NRXN1: variants seen among roughly 807,000 people sequenced by gnomAD.
The protein encoded by NRXN1 is neurexin-1.
NRXN1 carries 39 observed loss-of-function variants against 150.9 expected under a neutral mutation model. The observed-to-expected ratio is 0.26, with a 90% CI of 0.20 to 0.34. The LOEUF is 0.34. Among genes scored for constraint, NRXN1 ranks in the 10% least tolerant of loss-of-function variants. The probability of loss-of-function intolerance (pLI) is 1.00; values close to 1 mark genes in which losing one functional copy is unlikely to be tolerated. For missense variants in NRXN1, 1,815 were observed against 1,949.9 expected, an observed-to-expected ratio of 0.93 and a Z score of 1.30; for synonymous variants, 924 against 757.0, an observed-to-expected ratio of 1.22 and a Z score of -3.62.
intron 18 of NRXN1, among the ~76,000 whole-genome samples, chr2:50,144,782 T>A (rs903893677): frequency 6.6e-6 from 1 of 151,782 alleles, no homozygotes; most frequent in Non-Finnish European, 1.5e-5. Context: ...TTAAAAATCA[T>A]ATTGGACGAG....
rs148020644 is a variant in NRXN1 at position 50,415,832 on chromosome 2, TA to T, written c.3364+49609del. 7.7e-3 allele frequency among the ~76,000 whole-genome samples: 1,138 copies of T among 147,496 alleles called. 9 individuals carry two copies. Among genetic ancestry groups the T allele is most frequent in the African/African-American group, 0.021 (843 of 40,222 alleles). ...CACAATGTGATATGCTAAATTACAT[TA>T]AAAAAAAACAGAAAAAAATAGACAA... On this transcript the variant is annotated intron_variant, in intron 17 of 22. Transcript: ENST00000401669.
chr2:50,609,781 T>C (rs967428647), intron 8 of NRXN1, among the ~76,000 whole-genome samples: 3 of 152,160 alleles, frequency 2.0e-5, no homozygotes, highest in African/African-American at 7.2e-5. Flanking sequence ...ATTCACTTAC[T>C]ATGACCTTGA....
intron 17 of NRXN1, among the ~76,000 whole-genome samples, chr2:50,411,399 G>A (rs2083158812): frequency 6.6e-6 from 1 of 152,160 alleles, no homozygotes; most frequent in African/African-American, 2.4e-5. Context: ...CCAGCCGCCT[G>A]CCTTGGCCTC....
chr2:50,574,222 C>T (rs1671069381), intron 8 of NRXN1, among the ~76,000 whole-genome samples: 2 of 151,968 alleles, frequency 1.3e-5, no homozygotes, highest in Admixed American at 1.3e-4. Context: ...TAAAAGAAAG[C>T]CCCAAATGCC....
chr2:50,978,734 TG>T (rs1257743113), intron 2 of NRXN1, among the ~76,000 whole-genome samples: 2 of 152,070 alleles, frequency 1.3e-5, no homozygotes, highest in African/African-American at 4.8e-5. Context: ...ATTCAGATTT[TG>T]AGTCAAATCA....
At chr2:50,851,199 C>T (rs1023684657) in intron 5 of NRXN1, among the ~76,000 whole-genome samples, 8 of 151,900 alleles carry the variant, frequency 5.3e-5, no homozygotes, top group Non-Finnish European at 1.0e-4. Flanking sequence ...TTAAGAGGAG[C>T]CATAGGTCTA....
chr2:50,235,608 G>A (rs1470405545), intron 18 of NRXN1, among the ~76,000 whole-genome samples: 1 of 152,054 alleles, frequency 6.6e-6, no homozygotes, highest in Non-Finnish European at 1.5e-5. Flanking sequence ...GTACTTTGGT[G>A]TTTCATGTTT....
chr2:50,195,724 C>A (rs948033075), intron 18 of NRXN1, among the ~76,000 whole-genome samples: 1 of 152,040 alleles, frequency 6.6e-6, no homozygotes, highest in Non-Finnish European at 1.5e-5. Context: ...GCCTGGGCAA[C>A]TGTTTTTTGA....
chr2:50,235,507 T>C (rs1479170094), intron 18 of NRXN1, among the ~76,000 whole-genome samples: 2 of 152,138 alleles, frequency 1.3e-5, no homozygotes, highest in African/African-American at 2.4e-5. Flanking sequence ...CACAGCTTAT[T>C]GGAAATTCCA....
chr2:50,623,498 C>T lies in NRXN1; in HGVS notation c.950G>A (p.Arg317Lys). 1 of 1,613,416 alleles carries T rather than the reference C, an allele frequency of 6.2e-7. No homozygotes were observed. The highest frequency in any genetic ancestry group is 8.5e-7 in the Non-Finnish European group (1 of 1,179,510). The change falls in exon 6 of 23, where the codon AGG (arginine) becomes AAG (lysine). Residue 317 changes from arginine (R) to lysine (K), a missense_variant. Physicochemically the swap from Arg to Lys is conservative, Grantham distance 26. Transcript: ENST00000401669. ...CCCAGTGTGAAGCATCAGTCCATTC[C>T]TCTGAAGGGTTTTAAATGACAGAGT... ...EITLSFKTLQ[R>K]NGLMLHTGKS... is the part of the protein sequence containing the mutation.
chr2:50,523,959 T>G (rs1490944981), intron 12 of NRXN1, among the ~76,000 whole-genome samples: 1 of 152,208 alleles, frequency 6.6e-6, no homozygotes, highest in East Asian at 1.9e-4. Flanking sequence ...AATATTTTTT[T>G]TAACTCCAGA....
intron 2 of NRXN1, among the ~76,000 whole-genome samples, chr2:50,993,702 A>G (rs902994798): frequency 6.6e-6 from 1 of 152,010 alleles, no homozygotes; most frequent in Admixed American, 6.6e-5. Flanking sequence ...TCCGTATAAT[A>G]AATATAATCC....
intron 8 of NRXN1, among the ~76,000 whole-genome samples, chr2:50,610,971 C>T (rs1285643906): frequency 6.7e-6 from 1 of 149,294 alleles, no homozygotes; most frequent in Admixed American, 6.8e-5. Flanking sequence ...GTCTTGAACT[C>T]CTGATTTCAA....
intron 11 of NRXN1, among the ~76,000 whole-genome samples, chr2:50,529,583 AT>A (rs1186332992): frequency 2.0e-5 from 3 of 152,184 alleles, no homozygotes; most frequent in South Asian, 2.1e-4. Flanking sequence ...ACATAAAAAA[AT>A]AAACCTAGAT....
chr2:50,063,945 T>G (rs2152651625), intron 19 of NRXN1, among the ~76,000 whole-genome samples: 1 of 152,282 alleles, frequency 6.6e-6, no homozygotes, highest in African/African-American at 2.4e-5. Flanking sequence ...TTTTGCATGA[T>G]AACATAGTGG....
chr2:50,866,170 G>A (rs924749980), intron 5 of NRXN1, among the ~76,000 whole-genome samples: 10 of 151,854 alleles, frequency 6.6e-5, no homozygotes, highest in Non-Finnish European at 1.5e-4. Flanking sequence ...GATTTCTACT[G>A]TTGAATATCA....
At chr2:50,101,045 A>C (rs1700912421) in intron 18 of NRXN1, among the ~76,000 whole-genome samples, 1 of 152,100 alleles carries the variant, frequency 6.6e-6, no homozygotes, top group Non-Finnish European at 1.5e-5. Context: ...GAATTAAGTT[A>C]AGCCTTTTCC....
At chr2:50,087,335 G>C (rs569043179) in intron 19 of NRXN1, among the ~76,000 whole-genome samples, 1 of 151,936 alleles carries the variant, frequency 6.6e-6, no homozygotes, top group Admixed American at 6.6e-5. Flanking sequence ...AGTATAAAAC[G>C]AACATTTGAC....
At chr2:50,950,588 C>G (rs970287052) in intron 2 of NRXN1, among the ~76,000 whole-genome samples, 1 of 152,164 alleles carries the variant, frequency 6.6e-6, no homozygotes, top group Non-Finnish European at 1.5e-5. Context: ...AGGGACTATT[C>G]TGTGCATTTT....
Sources: gnomAD v4.1 joint callset for allele counts (sites outside exome capture counted in the v4.1 genomes callset) on GRCh38, gnomAD v4.1.1 for gene constraint, MANE v1.5 for transcripts, NCBI Gene and HGNC (gene_info 2026-07-23, HGNC 2026-07-21) for gene names.